ARID4B: variants seen among roughly 807,000 people sequenced by gnomAD.
ARID4B encodes AT-rich interactive domain-containing protein 4B.
Under a neutral mutation model 147.5 loss-of-function variants are expected in ARID4B, and 26 were observed. That is an observed-to-expected ratio of 0.18 (90% CI 0.13 to 0.24). The LOEUF (loss-of-function observed/expected upper bound fraction) is 0.24, where lower values mean the gene tolerates loss of function less well. Among genes scored for constraint, ARID4B ranks in the 10% least tolerant of loss-of-function variants. The probability of loss-of-function intolerance (pLI) is 1.00; values close to 1 mark genes in which losing one functional copy is unlikely to be tolerated. For synonymous variants in ARID4B, 512 were observed against 507.9 expected, an observed-to-expected ratio of 1.01 and a Z score of -0.11; for missense variants, 1,179 against 1,511.5, an observed-to-expected ratio of 0.78 and a Z score of 3.65.
intron 2 of ARID4B, among the ~76,000 whole-genome samples, chr1:235,273,995 C>T (rs778493523): frequency 2.4e-4 from 36 of 152,118 alleles, no homozygotes; most frequent in Non-Finnish European, 4.0e-4. Flanking sequence ...TCACTATGAA[C>T]GCTGGTTGTA....
At chr1:235,213,576 A>G (rs1196503948) in intron 17 of ARID4B, among the ~76,000 whole-genome samples, 193 bp downstream of exon 17, 1 of 152,166 alleles carries the variant, frequency 6.6e-6, no homozygotes, top group African/African-American at 2.4e-5. Flanking sequence ...CATTAGGGAT[A>G]TCTTCTAAGT....
intron 17 of ARID4B, among the ~76,000 whole-genome samples, chr1:235,207,317 G>A (rs942665477): frequency 6.6e-6 from 1 of 152,168 alleles, no homozygotes; most frequent in Non-Finnish European, 1.5e-5. Context: ...CCCACTTGAG[G>A]TTCACAGTAA....
chr1:235,170,653 G>A (rs1326807129), intron 23 of ARID4B, among the ~76,000 whole-genome samples: 1 of 152,034 alleles, frequency 6.6e-6, no homozygotes, highest in African/African-American at 2.4e-5. Context: ...CAGGAGAATG[G>A]CGTGAACCCG....
At position 235,193,580 on chromosome 1, in the gene ARID4B, T is replaced by C. The variant is rs191060435; in HGVS notation, c.2125+433A>G. On this transcript the variant is annotated intron_variant, in intron 19 of 23. Coordinates refer to ENST00000264183, the MANE Select transcript of ARID4B (RefSeq NM_016374.6). The stretch of plus-strand genomic sequence containing the variant: ...AGTAACAATGCTAAAAGTTGAATAT[T>C]AAATGTTAACCAAAATTTTATGGTG... 7.5e-4 allele frequency among the ~76,000 whole-genome samples: 115 copies of C among 152,318 alleles called. 1 individual carries two copies. Among genetic ancestry groups the C allele is most frequent in the East Asian group, 1.5e-3 (8 of 5,188 alleles).
At chr1:235,244,223 C>A (rs1669160026) in intron 7 of ARID4B, among the ~76,000 whole-genome samples, 1 of 152,114 alleles carries the variant, frequency 6.6e-6, no homozygotes, top group African/African-American at 2.4e-5. Flanking sequence ...TCATTGTAAA[C>A]CTTATGCTTT....
intron 2 of ARID4B, among the ~76,000 whole-genome samples, chr1:235,309,784 T>C (rs1363752952): frequency 1.3e-5 from 2 of 152,310 alleles, no homozygotes; most frequent in African/African-American, 2.4e-5. Flanking sequence ...CGTGTCTGTG[T>C]AGAAAGAAGT....
At chr1:235,296,369 A>G (rs1426208824) in intron 2 of ARID4B, 1 of 152,326 alleles carries the variant, frequency 6.6e-6, no homozygotes, top group Non-Finnish European at 1.5e-5. Context: ...CTAAATAGAC[A>G]TATTTTTCAC....
intron 2 of ARID4B, among the ~76,000 whole-genome samples, chr1:235,310,187 A>G (rs963389915): frequency 7.9e-5 from 12 of 152,196 alleles, no homozygotes; most frequent in African/African-American, 2.9e-4. Flanking sequence ...AAAAAAATAA[A>G]AAAAAAGAAA....
rs373256035 is a variant in ARID4B at position 235,255,753 on chromosome 1, A to G, written c.184-3T>C. Reference sequence around the variant, plus strand: ...TTCACTTCCACAATAGCTCCTACCTAAAGTATTTTTAAACATGTTAGAAAA... The same window carrying G: ...TTCACTTCCACAATAGCTCCTACCTGAAGTATTTTTAAACATGTTAGAAAA... On this transcript the variant is annotated splice_region_variant and splice_polypyrimidine_tract_variant and intron_variant, in intron 4 of 23. Coordinates refer to ENST00000264183, the MANE Select transcript of ARID4B (RefSeq NM_016374.6). The G allele has an allele frequency of 1.1e-5, 17 of 1,593,846 alleles. No homozygotes were observed. The African/African-American group carries it at 1.6e-4, about 15-fold the overall frequency.
chr1:235,206,778 A>C (rs899978343), intron 17 of ARID4B, among the ~76,000 whole-genome samples: 2 of 152,226 alleles, frequency 1.3e-5, no homozygotes, highest in Admixed American at 1.3e-4. Flanking sequence ...TTGTGGAGAC[A>C]CAGTGAACAA....
intron 2 of ARID4B, among the ~76,000 whole-genome samples, chr1:235,274,160 C>T (rs934710337): frequency 6.6e-6 from 1 of 151,650 alleles, no homozygotes. Context: ...ATCACCTGAG[C>T]TCAAGAGTTC....
intron 16 of ARID4B, among the ~76,000 whole-genome samples, chr1:235,215,545 A>ATGTGTGTGTGTGTG (rs1324619607): frequency 5.5e-5 from 6 of 108,954 alleles, no homozygotes; most frequent in South Asian, 3.9e-4. Context: ...GCACACATAT[A>ATGTGTGTGTGTGTG]TATGTGTGTG....
intron 6 of ARID4B, among the ~76,000 whole-genome samples, chr1:235,249,865 G>A (rs555121620): frequency 1.2e-3 from 175 of 151,808 alleles, no homozygotes; most frequent in African/African-American, 3.9e-3. Flanking sequence ...ACTTGAACAC[G>A]GGAGGCAGAG....
At chr1:235,251,508 G>A (rs1171542567) in intron 6 of ARID4B, among the ~76,000 whole-genome samples, 1 of 151,572 alleles carries the variant, frequency 6.6e-6, no homozygotes, top group Non-Finnish European at 1.5e-5. Context: ...AATTTAAGTG[G>A]GAATTCAATC....
intron 19 of ARID4B, among the ~76,000 whole-genome samples, chr1:235,187,832 G>A (rs1439953837): frequency 6.6e-6 from 1 of 151,978 alleles, no homozygotes; most frequent in Non-Finnish European, 1.5e-5. Flanking sequence ...AATATGAAGA[G>A]AATACTTAAA....
chr1:235,326,972 G>A lies in ARID4B; in HGVS notation c.-49-4C>T. 1 of 1,602,756 alleles carries A rather than the reference G, an allele frequency of 6.2e-7. No homozygotes were observed. ...AAAACACCAGGTTCAGCTGCACCTG[G>A]AGGGGAAACAAAAGACACCCAGTCA... is the stretch of plus-strand genomic sequence containing the variant. On this transcript the variant is annotated splice_region_variant and splice_polypyrimidine_tract_variant and intron_variant, in intron 1 of 23. Transcript: ENST00000264183.
Position 235,229,215 on chromosome 1 carries a change from A to C in ARID4B, c.897+16T>G. 4 of 1,606,394 alleles carry C rather than the reference A, an allele frequency of 2.5e-6. No individual in the cohort carries two copies. The highest frequency in any genetic ancestry group is 3.4e-6 in the Non-Finnish European group (4 of 1,177,836). ...GTTATTTATAATTTTAAAAGGTATC[A>C]ACTGTTTTCACTTACTTCTTCTTCA... On this transcript the variant is annotated intron_variant, in intron 11 of 23. Coordinates refer to ENST00000264183, the MANE Select transcript of ARID4B (RefSeq NM_016374.6).
At chr1:235,256,889 CT>C (rs1189916989) in intron 4 of ARID4B, among the ~76,000 whole-genome samples, 2 of 151,898 alleles carry the variant, frequency 1.3e-5, no homozygotes, top group African/African-American at 2.4e-5. Context: ...AATATTAAAT[CT>C]TTTTTTTAAA....
chr1:235,194,306 T>C, intron 18 of ARID4B, 95 bp from the exon 19 acceptor site: 6 of 915,694 alleles, frequency 6.6e-6, no homozygotes, highest in Non-Finnish European at 8.2e-6. Context: ...ACAGAATATG[T>C]TGTTAAATAT....
Sources: gnomAD v4.1 joint callset for allele counts (sites outside exome capture counted in the v4.1 genomes callset) on GRCh38, gnomAD v4.1.1 for gene constraint, MANE v1.5 for transcripts, NCBI Gene and HGNC (gene_info 2026-07-23, HGNC 2026-07-21) for gene names.